The following SF3B6 variants were observed in gnomAD, a reference collection of about 807,000 sequenced individuals.
SF3B6 encodes the protein SF3b 14 kDa subunit.
In SF3B6, 3 loss-of-function variants were observed where a neutral mutation model predicts 15.9. That is an observed-to-expected ratio of 0.19 (90% CI 0.09 to 0.49). SF3B6 has a LOEUF of 0.49. Among genes scored for constraint, SF3B6 ranks in the 20% least tolerant of loss-of-function variants. SF3B6 has a pLI of 0.97. For missense variants in SF3B6, 71 were observed against 154.3 expected (o/e 0.46, Z 2.86); for synonymous variants, 49 against 51.1 (o/e 0.96, Z 0.18).
chr2:24,074,280 T>G (rs143602291), intron 1 of SF3B6, 86 bp from the exon 2 acceptor site: 5 of 657,004 alleles, frequency 7.6e-6, no homozygotes, highest in Middle Eastern at 3.2e-4. Context: ...AGGGGCATTT[T>G]AAAAAATTCT....
intron 2 of SF3B6, among the ~76,000 whole-genome samples, chr2:24,070,762 C>T (rs1664640542): frequency 6.6e-6 from 1 of 152,126 alleles, no homozygotes; most frequent in South Asian, 2.1e-4. Context: ...GCCAGGTATA[C>T]AATAAAGCAT....
chr2:24,073,853 C>G lies in SF3B6; in HGVS notation c.149+223G>C, dbSNP rs186354599. ...CTTCAATGAATGCTTTGAGGAAACTCAAATCCTCTTCTTGGCTCTCATTGA... is the reference window on the plus strand; with the variant it reads ...CTTCAATGAATGCTTTGAGGAAACTGAAATCCTCTTCTTGGCTCTCATTGA... On this transcript the variant is annotated intron_variant, in intron 2 of 3. Coordinates refer to ENST00000233468, the MANE Select transcript of SF3B6 (RefSeq NM_016047.4). 6.2e-4 allele frequency: 251 copies of G among 406,582 alleles called. 4 individuals are homozygous for G. In the East Asian group the frequency reaches 8.5e-3, roughly 14 times the overall value. 25.2% of individuals were successfully genotyped at this position (406,582 alleles called of 1,614,324 possible). A position where few individuals can be genotyped will look rare whatever the true frequency, so the allele number is the denominator to read the frequency against.
chr2:24,075,360 T>C (rs1361606952), intron 1 of SF3B6, among the ~76,000 whole-genome samples: 1 of 77,474 alleles, frequency 1.3e-5, no homozygotes, highest in Non-Finnish European at 2.8e-5. Context: ...TTTCTTTCTG[T>C]TTTTTTTTTT....
chr2:24,075,949 A>G (rs1025334957), intron 1 of SF3B6, among the ~76,000 whole-genome samples: 15 of 151,920 alleles, frequency 9.9e-5, no homozygotes, highest in African/African-American at 3.4e-4. Flanking sequence ...TCAAGCAAAG[A>G]GGCTATAGGG....
intron 2 of SF3B6, among the ~76,000 whole-genome samples, chr2:24,072,769 A>C (rs1433331985): frequency 6.6e-6 from 1 of 152,230 alleles, no homozygotes; most frequent in African/African-American, 2.4e-5. Flanking sequence ...AGAGAAAACC[A>C]AAAAAGCTAG....
At chr2:24,070,697 A>G (rs1432945725) in intron 2 of SF3B6, among the ~76,000 whole-genome samples, 2 of 152,254 alleles carry the variant, frequency 1.3e-5, no homozygotes, top group Non-Finnish European at 2.9e-5. Context: ...CCAGTGTCCC[A>G]GAAAATCTCT....
chr2:24,076,320 CATCAACATCCAGG>C, exon 1 of SF3B6: 1 of 1,494,540 alleles, frequency 6.7e-7, no homozygotes, highest in Non-Finnish European at 9.3e-7. Flanking sequence ...AGATGCAGGA[CATCAACATCCAGG>C]ACCCGCCGGA....
intron 1 of SF3B6, among the ~76,000 whole-genome samples, chr2:24,074,796 T>C (rs977944914): frequency 1.3e-5 from 2 of 152,194 alleles, no homozygotes; most frequent in African/African-American, 4.8e-5. Context: ...ATTGCTCCCA[T>C]TGGCATAAAG....
intron 3 of SF3B6, 88 bp from the exon 4 acceptor site, chr2:24,067,939 A>G (rs1173361214): frequency 8.5e-6 from 9 of 1,058,764 alleles, no homozygotes; most frequent in Non-Finnish European, 1.3e-5. Flanking sequence ...AGAAAGTCAT[A>G]GTAGACATAT....
intron 2 of SF3B6, 121 bp from the exon 3 acceptor site, chr2:24,068,580 T>C (rs997516595): frequency 1.1e-6 from 1 of 894,290 alleles, no homozygotes; most frequent in African/African-American, 1.7e-5. Context: ...AAATACGTTT[T>C]TAGTTAAGTA....
chr2:24,076,076 C>G, intron 1 of SF3B6, 124 bp downstream of exon 1: 1 of 1,254,072 alleles, frequency 8.0e-7, no homozygotes, highest in Non-Finnish European at 1.2e-6. Context: ...TCTTCGCTGA[C>G]AGGATAGGAA....
In SF3B6 at chr2:24,076,215, C is replaced by T; in HGVS notation, c.15G>A (p.Ala5=). 6.2e-7 allele frequency: 1 copy of T among 1,614,190 alleles called. No homozygotes were observed. Among genetic ancestry groups the T allele is most frequent in the South Asian group, 1.1e-5 (1 of 91,080 alleles). ...CGATACTCACGTTCGCCCTCTTGGC[C>T]GCTTGCATCGCCATCTTGGCGGGCT... is the stretch of plus-strand genomic sequence containing the variant. MAMQ[A]AKRANIRLPP... is the part of the protein sequence containing the mutation. Residue 5 remains alanine, a synonymous_variant, in exon 1 of 4, where the codon GCG becomes GCA. Coordinates refer to ENST00000233468, the MANE Select transcript of SF3B6 (RefSeq NM_016047.4).
At chr2:24,070,241 T>C (rs927843679) in intron 2 of SF3B6, among the ~76,000 whole-genome samples, 3 of 152,176 alleles carry the variant, frequency 2.0e-5, no homozygotes, top group Non-Finnish European at 4.4e-5. Context: ...TGAGCTAACA[T>C]TATTTTCTTA....
chr2:24,068,489 T>C (rs759435696), intron 2 of SF3B6, 30 bp from the exon 3 acceptor site: 2 of 1,582,862 alleles, frequency 1.3e-6, no homozygotes, highest in Admixed American at 1.8e-5. Flanking sequence ...TTAATTAAGA[T>C]ATACATTTAC....
At chr2:24,071,733 T>G (rs1664654008) in intron 2 of SF3B6, among the ~76,000 whole-genome samples, 1 of 152,118 alleles carries the variant, frequency 6.6e-6, no homozygotes, top group African/African-American at 2.4e-5. Context: ...ACCTGAAGAA[T>G]GAGGAGGAGC....
At position 24,073,200 on chromosome 2, in the gene SF3B6, G is replaced by A. The variant is rs547669432; in HGVS notation, c.149+876C>T. ...AAGGAGCTCTCAAGTCATACAAGAC[G>A]GAATTCCGACTAGAAATAAAAACTT... On this transcript the variant is annotated intron_variant, in intron 2 of 3. Coordinates refer to ENST00000233468, the MANE Select transcript of SF3B6 (RefSeq NM_016047.4). Among the ~76,000 whole-genome samples, 5 of 152,232 alleles carry A rather than the reference G, an allele frequency of 3.3e-5. No homozygotes were observed. The South Asian group carries it at 8.3e-4, about 25-fold the overall frequency.
In SF3B6 at chr2:24,076,248, T is replaced by C. The variant is rs541541780; in HGVS notation, c.-19A>G. 19 of 1,614,174 alleles carry C rather than the reference T, an allele frequency of 1.2e-5. No homozygotes were observed. In the East Asian group the frequency reaches 3.8e-4, roughly 32 times the overall value. The stretch of plus-strand genomic sequence containing the variant: ...TCGCCATCTTGGCGGGCTGATGAAG[T>C]TACCGTAGCAGATACTGAAATTCCT... On this transcript the variant is annotated 5_prime_UTR_variant, in exon 1 of 4. Coordinates refer to ENST00000233468, the MANE Select transcript of SF3B6 (RefSeq NM_016047.4).
At chr2:24,074,261 C>G in intron 1 of SF3B6, 67 bp from the exon 2 acceptor site, 1 of 771,944 alleles carries the variant, frequency 1.3e-6, no homozygotes, top group Non-Finnish European at 2.1e-6. Flanking sequence ...TTTAAATGCC[C>G]CTATAATTAG....
At chr2:24,068,857 GT>G (rs1361646762) in intron 2 of SF3B6, among the ~76,000 whole-genome samples, 2 of 151,950 alleles carry the variant, frequency 1.3e-5, no homozygotes, top group East Asian at 1.9e-4. Context: ...TTTTGTTTTT[GT>G]TTTTTTGAGA....
Sources: gnomAD v4.1 joint callset for allele counts (sites outside exome capture counted in the v4.1 genomes callset) on GRCh38, gnomAD v4.1.1 for gene constraint, MANE v1.5 for transcripts, NCBI Gene and HGNC (gene_info 2026-07-23, HGNC 2026-07-21) for gene names.